The following DAB1 variants were observed in gnomAD, a reference collection of about 807,000 sequenced individuals.
DAB1 encodes the protein disabled homolog 1.
Under a neutral mutation model 64.6 loss-of-function variants are expected in DAB1, and 15 were observed. The ratio of observed to expected loss-of-function variants is 0.23; its 90% CI spans 0.16 to 0.36. The LOEUF (loss-of-function observed/expected upper bound fraction) is 0.36, where lower values mean the gene tolerates loss of function less well. DAB1 is among the 10% of genes least tolerant of loss of function. The pLI, the probability that DAB1 is intolerant of heterozygous loss-of-function variation, is 1.00. For missense variants in DAB1, 596 were observed against 706.7 expected, an observed-to-expected ratio of 0.84 and a Z score of 1.78; for synonymous variants, 235 against 251.9, an observed-to-expected ratio of 0.93 and a Z score of 0.64.
chr1:58,049,189 CA>C, intron 5 of DAB1: 1 of 769,060 alleles, frequency 1.3e-6, no homozygotes. Flanking sequence ...CCCTATTGCT[CA>C]AAATGGCTTC....
intron 4 of DAB1, among the ~76,000 whole-genome samples, chr1:58,275,536 A>AC (rs2100433588): frequency 6.6e-6 from 1 of 152,356 alleles, no homozygotes; most frequent in Non-Finnish European, 1.5e-5. Flanking sequence ...AAGAATATAT[A>AC]CAAATGTCTA....
intron 2 of DAB1, among the ~76,000 whole-genome samples, chr1:57,165,636 T>A (rs12066679): frequency 0.11 from 16,200 of 152,198 alleles, 2,546 homozygotes; most frequent in African/African-American, 0.34. Flanking sequence ...AAATTTCAAC[T>A]GCCCTAAGAG....
At chr1:58,331,493 G>C (rs767990735) in intron 4 of DAB1, among the ~76,000 whole-genome samples, 12 of 152,168 alleles carry the variant, frequency 7.9e-5, no homozygotes, top group Non-Finnish European at 1.8e-4. Flanking sequence ...CTATCAAACA[G>C]TATTACATGC....
intron 5 of DAB1, among the ~76,000 whole-genome samples, chr1:57,960,427 A>G (rs930152054): frequency 1.3e-5 from 2 of 151,982 alleles, no homozygotes; most frequent in African/African-American, 4.8e-5. Flanking sequence ...CAAACTCAAT[A>G]CAGGAAAATT....
At chr1:57,940,065 G>A (rs1304420400) in intron 5 of DAB1, among the ~76,000 whole-genome samples, 2 of 152,202 alleles carry the variant, frequency 1.3e-5, no homozygotes, top group Non-Finnish European at 2.9e-5. Flanking sequence ...CACAAATACT[G>A]AAATGAACAG....
rs928459053 is a variant in DAB1, at chr1:57,992,974, C to T, written n.388-108812G>A. On this transcript the variant is annotated intron_variant and non_coding_transcript_variant, in intron 5 of 20. Transcript: ENST00000485760. ...GGTTATCTTCCTTCATCACCAACTCCGCACAGCTATGTAAATCTCAGTACA... is the reference window on the plus strand; with the variant it reads ...GGTTATCTTCCTTCATCACCAACTCTGCACAGCTATGTAAATCTCAGTACA... Among the ~76,000 whole-genome samples the T allele has an allele frequency of 4.6e-5, 7 of 152,034 alleles. No individual in the cohort carries two copies. The South Asian group carries it at 8.3e-4, about 18-fold the overall frequency.
chr1:57,449,417 T>G (rs1686268393), intron 7 of DAB1, among the ~76,000 whole-genome samples: 1 of 150,988 alleles, frequency 6.6e-6, no homozygotes, highest in South Asian at 2.1e-4. Flanking sequence ...TCTTGCTCTG[T>G]CACCCAGGCT....
chr1:57,188,362 A>G (rs955208581), intron 2 of DAB1, among the ~76,000 whole-genome samples: 2 of 152,176 alleles, frequency 1.3e-5, no homozygotes, highest in Non-Finnish European at 2.9e-5. Context: ...ATAGTGGTTC[A>G]GTGTGAGTAA....
At chr1:58,108,305 G>A (rs1393419699) in intron 5 of DAB1, among the ~76,000 whole-genome samples, 5 of 152,156 alleles carry the variant, frequency 3.3e-5, no homozygotes. Context: ...AGTAGAGGTG[G>A]GGATAGACAG....
At chr1:57,159,891 G>A (rs1227755118) in intron 2 of DAB1, among the ~76,000 whole-genome samples, 4 of 136,092 alleles carry the variant, frequency 2.9e-5, no homozygotes, top group African/African-American at 8.7e-5. Flanking sequence ...AAAACCTCTT[G>A]GTTTTAAGAC....
At chr1:57,091,841 T>C (rs1653707296) in intron 4 of DAB1, among the ~76,000 whole-genome samples, 1 of 151,964 alleles carries the variant, frequency 6.6e-6, no homozygotes, top group Non-Finnish European at 1.5e-5. Flanking sequence ...GTTACCTAAG[T>C]GTGTGGTTTT....
At chr1:57,451,740 A>C (rs1686375618) in intron 7 of DAB1, among the ~76,000 whole-genome samples, 2 of 152,164 alleles carry the variant, frequency 1.3e-5, no homozygotes, top group African/African-American at 4.8e-5. Context: ...ATCAGCAGGG[A>C]GGATTTGATA....
In DAB1 at chr1:58,499,991, C is replaced by T. The variant is rs185243122; in HGVS notation, n.257+6069G>A. On this transcript the variant is annotated intron_variant and non_coding_transcript_variant, in intron 3 of 20. Coordinates refer to the DAB1 transcript ENST00000485760. The stretch of plus-strand genomic sequence containing the variant: ...AGAAAAAAATGGACAAAAATTAATG[C>T]CAGAGAGTCTTCACGACTGGATTAA... Among the ~76,000 whole-genome samples the T allele has an allele frequency of 5.0e-3, 758 of 151,968 alleles. 10 individuals carry two copies. The highest frequency in any genetic ancestry group is 0.017 in the African/African-American group (710 of 41,466).
chr1:58,292,254 G>C (rs1227575925), intron 4 of DAB1, among the ~76,000 whole-genome samples: 2 of 152,076 alleles, frequency 1.3e-5, no homozygotes. Flanking sequence ...GTGTGCTCTG[G>C]AGAAACCTCA....
intron 4 of DAB1, among the ~76,000 whole-genome samples, chr1:57,075,861 C>T (rs372889221): frequency 6.6e-6 from 1 of 152,136 alleles, no homozygotes; most frequent in African/African-American, 2.4e-5. Context: ...AGACTTTTGG[C>T]TCCCTCAACC....
intron 4 of DAB1, among the ~76,000 whole-genome samples, chr1:57,076,809 A>G (rs565673626): frequency 1.3e-5 from 2 of 152,158 alleles, no homozygotes; most frequent in East Asian, 1.9e-4. Flanking sequence ...TCACTGCATT[A>G]TATTTGTCCT....
chr1:57,699,222 G>A (rs76664344), intron 6 of DAB1, among the ~76,000 whole-genome samples: 5,498 of 152,282 alleles, frequency 0.036, 349 homozygotes, highest in African/African-American at 0.13. Flanking sequence ...TTACAGGTGT[G>A]AGTCATGGTG....
At chr1:57,124,588 G>A (rs1656963209) in intron 4 of DAB1, among the ~76,000 whole-genome samples, 1 of 152,180 alleles carries the variant, frequency 6.6e-6, no homozygotes, top group Non-Finnish European at 1.5e-5. Flanking sequence ...TCAGGCTTTA[G>A]AGTTGCTGGC....
In DAB1 at chr1:57,827,860, G is replaced by A. The variant is rs1345731862; in HGVS notation, n.88-1405C>T. 2.6e-5 allele frequency among the ~76,000 whole-genome samples: 4 copies of A among 152,198 alleles called. No homozygotes were observed. The East Asian group carries it at 7.7e-4, about 29-fold the overall frequency. On this transcript the variant is annotated intron_variant and non_coding_transcript_variant, in intron 1 of 1. Coordinates refer to the DAB1 transcript ENST00000477280. ...ATCCCTAAGAGCTTACCTTGCTCCG[G>A]GTCCTATACCAGGCCCTTCACTTAC...
Sources: allele counts gnomAD v4.1 joint callset (sites outside exome capture counted in the v4.1 genomes callset), GRCh38; gene constraint gnomAD v4.1.1; transcripts MANE v1.5; gene names NCBI Gene and HGNC (gene_info 2026-07-23, HGNC 2026-07-21).